The following CNTN4 variants were observed in gnomAD, a reference collection of about 807,000 sequenced individuals.
CNTN4 encodes contactin-4.
CNTN4 carries 77 observed loss-of-function variants against 122.5 expected under a neutral mutation model. That is an observed-to-expected ratio of 0.63 (90% CI 0.52 to 0.76). The LOEUF is 0.76. CNTN4 is among the 30% of genes least tolerant of loss of function. CNTN4 has a pLI of 0.00. For missense variants in CNTN4, 1,256 were observed against 1,259.1 expected (o/e 1.00, Z 0.04); for synonymous variants, 512 against 447.0 (o/e 1.15, Z -1.83).
At chr3:3,021,023 C>G (rs1698244428) in intron 14 of CNTN4, among the ~76,000 whole-genome samples, 1 of 152,202 alleles carries the variant, frequency 6.6e-6, no homozygotes, top group Admixed American at 6.5e-5. Flanking sequence ...CATTCCCTTT[C>G]TTTGGCAGCT....
Position 2,525,591 on chromosome 3 carries a change from A to G in CNTN4, c.-88-45825A>G, listed in dbSNP as rs1252001125. Among the ~76,000 whole-genome samples the G allele has an allele frequency of 2.0e-5, 3 of 152,168 alleles. No homozygotes were observed. In the East Asian group the frequency reaches 5.8e-4, roughly 29 times the overall value. On this transcript the variant is annotated intron_variant, in intron 3 of 24. Coordinates refer to ENST00000418658, the MANE Select transcript of CNTN4 (RefSeq NM_175607.3). ...CTTCAATGTTGAACACAAGGTGTAA[A>G]AATACAGTATTTTACATTTCTGCAG...
intron 3 of CNTN4, among the ~76,000 whole-genome samples, chr3:2,382,651 G>A (rs2046071219): frequency 6.6e-6 from 1 of 152,194 alleles, no homozygotes; most frequent in South Asian, 2.1e-4. Context: ...ACGAAAATAA[G>A]GAATGCTTCC....
At chr3:2,921,845 A>C (rs138772231) in intron 12 of CNTN4, among the ~76,000 whole-genome samples, 4 of 152,328 alleles carry the variant, frequency 2.6e-5, no homozygotes, top group African/African-American at 9.6e-5. Flanking sequence ...GAGGGGTTCT[A>C]TTGGCCACTT....
chr3:2,497,496 G>T (rs957834684), intron 3 of CNTN4, among the ~76,000 whole-genome samples: 1 of 152,182 alleles, frequency 6.6e-6, no homozygotes, highest in Non-Finnish European at 1.5e-5. Flanking sequence ...TTAATGTCCT[G>T]TGCTCATGAG....
intron 2 of CNTN4, among the ~76,000 whole-genome samples, chr3:2,187,883 G>T (rs887815554): frequency 6.6e-6 from 1 of 152,038 alleles, no homozygotes; most frequent in East Asian, 1.9e-4. Flanking sequence ...TGGTAAAAAG[G>T]CCAGGATTGA....
intron 4 of CNTN4, among the ~76,000 whole-genome samples, chr3:2,707,100 G>A (rs1243744077): frequency 1.3e-5 from 2 of 151,748 alleles, no homozygotes; most frequent in African/African-American, 4.8e-5. Flanking sequence ...AGGAGTTCAG[G>A]AACACTCTGG....
At chr3:2,889,285 T>C (rs1254046795) in intron 10 of CNTN4, among the ~76,000 whole-genome samples, 2 of 152,226 alleles carry the variant, frequency 1.3e-5, no homozygotes, top group African/African-American at 2.4e-5. Context: ...CTTCACTTGA[T>C]GAGCTGGGCA....
At chr3:2,820,773 T>A (rs1233587806) in intron 7 of CNTN4, among the ~76,000 whole-genome samples, 4 of 151,884 alleles carry the variant, frequency 2.6e-5, no homozygotes, top group Non-Finnish European at 5.9e-5. Context: ...ATATATATAT[T>A]TCTTATTAAT....
At chr3:2,231,035 A>G (rs1466705973) in intron 2 of CNTN4, among the ~76,000 whole-genome samples, 2 of 152,182 alleles carry the variant, frequency 1.3e-5, no homozygotes, top group Admixed American at 1.3e-4. Flanking sequence ...TCAAAAATAT[A>G]ATTTAAACTT....
At chr3:2,369,845 C>A (rs932678809) in intron 3 of CNTN4, among the ~76,000 whole-genome samples, 1 of 152,234 alleles carries the variant, frequency 6.6e-6, no homozygotes, top group Middle Eastern at 3.4e-3. Flanking sequence ...CTTTTATCCA[C>A]CCTGATAGAG....
intron 5 of CNTN4, among the ~76,000 whole-genome samples, chr3:2,743,922 C>T (rs1448994167): frequency 1.3e-5 from 2 of 152,112 alleles, no homozygotes; most frequent in Admixed American, 1.3e-4. Context: ...GTGGTCCTCC[C>T]ACCTCAGCCT....
chr3:2,474,857 C>T (rs2075793564), intron 3 of CNTN4, among the ~76,000 whole-genome samples: 1 of 152,132 alleles, frequency 6.6e-6, no homozygotes, highest in African/African-American at 2.4e-5. Flanking sequence ...AGGTATCCAA[C>T]ATAGTATAAT....
intron 4 of CNTN4, among the ~76,000 whole-genome samples, chr3:2,675,318 T>C (rs1202251800): frequency 2.0e-5 from 3 of 152,076 alleles, no homozygotes; most frequent in African/African-American, 7.2e-5. Flanking sequence ...ACTTTTGTTC[T>C]CTCTCTTTTC....
At chr3:2,180,447 C>G (rs1290917746) in intron 2 of CNTN4, among the ~76,000 whole-genome samples, 1 of 151,974 alleles carries the variant, frequency 6.6e-6, no homozygotes, top group African/African-American at 2.4e-5. Context: ...CAGATTTTGT[C>G]TCATGCTTTT....
Position 2,758,517 on chromosome 3 carries a change from C to CTT in CNTN4, c.358+12837_358+12838dup, listed in dbSNP as rs34531341. ...GTTGCCTCTTACTTTCAACACCATACTTTTTTTTTTTTTTTTTTGAGACGG... is the reference window on the plus strand; with the variant it reads ...GTTGCCTCTTACTTTCAACACCATACTTTTTTTTTTTTTTTTTTTTGAGACGG... On this transcript the variant is annotated intron_variant, in intron 6 of 24. Transcript: ENST00000418658. Among the ~76,000 whole-genome samples the CTT allele has an allele frequency of 6.6e-3, 814 of 124,222 alleles. 29 individuals are homozygous for CTT. The highest frequency in any genetic ancestry group is 0.023 in the African/African-American group (766 of 33,876). 81.5% of individuals were successfully genotyped at this position (124,222 alleles called of 152,430 possible).
At chr3:2,525,624 T>A (rs761588883) in intron 3 of CNTN4, among the ~76,000 whole-genome samples, 3 of 152,190 alleles carry the variant, frequency 2.0e-5, no homozygotes, top group Non-Finnish European at 4.4e-5. Flanking sequence ...CAGAATCTTG[T>A]CACTACAGTT....
chr3:2,793,013 T>G (rs1261417455), intron 6 of CNTN4, among the ~76,000 whole-genome samples: 1 of 152,212 alleles, frequency 6.6e-6, no homozygotes, highest in Non-Finnish European at 1.5e-5. Flanking sequence ...GGGGAAGTAT[T>G]ATTGTTTCCA....
chr3:2,918,554 C>A (rs887745148), intron 12 of CNTN4, among the ~76,000 whole-genome samples: 1 of 152,180 alleles, frequency 6.6e-6, no homozygotes, highest in African/African-American at 2.4e-5. Context: ...CTCTTCTCAA[C>A]CCAGCGTTCA....
At chr3:2,838,052 A>C (rs1461282979) in intron 7 of CNTN4, among the ~76,000 whole-genome samples, 1 of 152,192 alleles carries the variant, frequency 6.6e-6, no homozygotes, top group Non-Finnish European at 1.5e-5. Context: ...TAAGTGTGTT[A>C]CAGGAAGACA....
Sources: gnomAD v4.1 joint callset for allele counts (sites outside exome capture counted in the v4.1 genomes callset) on GRCh38, gnomAD v4.1.1 for gene constraint, MANE v1.5 for transcripts, NCBI Gene and HGNC (gene_info 2026-07-23, HGNC 2026-07-21) for gene names.